PCCA: variants seen among roughly 807,000 people sequenced by gnomAD.
The protein encoded by PCCA is propionyl-CoA carboxylase subunit alpha.
Under a neutral mutation model 101.3 loss-of-function variants are expected in PCCA, and 74 were observed. That is an observed-to-expected ratio of 0.73 (90% CI 0.61 to 0.89). The LOEUF (loss-of-function observed/expected upper bound fraction) is 0.89, where lower values mean the gene tolerates loss of function less well. Among genes scored for constraint, PCCA ranks in the 40% least tolerant of loss-of-function variants. The pLI, the probability that PCCA is intolerant of heterozygous loss-of-function variation, is 0.00. For synonymous variants in PCCA, 294 were observed against 313.6 expected (o/e 0.94, Z 0.66); for missense variants, 891 against 907.0 (o/e 0.98, Z 0.23).
chr13:100,497,363 G>A (rs1334829486), intron 21 of PCCA, among the ~76,000 whole-genome samples: 1 of 152,144 alleles, frequency 6.6e-6, no homozygotes, highest in Non-Finnish European at 1.5e-5. Flanking sequence ...TGGCTTTGAA[G>A]TATGCATCTG....
intron 9 of PCCA, among the ~76,000 whole-genome samples, chr13:100,258,054 TG>T (rs1257083219): frequency 1.3e-5 from 2 of 152,246 alleles, no homozygotes; most frequent in Non-Finnish European, 2.9e-5. Context: ...ATAATTTCAT[TG>T]AGACTTAATG....
intron 19 of PCCA, among the ~76,000 whole-genome samples, chr13:100,415,555 C>A (rs1012329593): frequency 6.6e-6 from 1 of 152,176 alleles, no homozygotes. Context: ...ACCAACAAAT[C>A]GGTTTTTTAT....
intron 20 of PCCA, among the ~76,000 whole-genome samples, chr13:100,433,764 T>G (rs2079730838): frequency 6.6e-6 from 1 of 152,210 alleles, no homozygotes; most frequent in Admixed American, 6.5e-5. Flanking sequence ...TGCTTTATAT[T>G]GTAGGGGCAA....
At chr13:100,307,781 A>G (rs1228448043) in intron 15 of PCCA, among the ~76,000 whole-genome samples, 1 of 152,200 alleles carries the variant, frequency 6.6e-6, no homozygotes, top group African/African-American at 2.4e-5. Context: ...AATGAATTGA[A>G]TTTTTGGATC....
chr13:100,462,939 AAC>A (rs1182266596), intron 21 of PCCA, among the ~76,000 whole-genome samples: 8 of 152,174 alleles, frequency 5.3e-5, no homozygotes, highest in African/African-American at 1.7e-4. Flanking sequence ...AGAAATTGTG[AAC>A]AGTTTTTCAG....
intron 7 of PCCA, among the ~76,000 whole-genome samples, chr13:100,223,337 TG>T (rs2059935085): frequency 6.6e-6 from 1 of 152,148 alleles, no homozygotes; most frequent in African/African-American, 2.4e-5. Flanking sequence ...TTGTTCCTTC[TG>T]ATGTTGGGAT....
At chr13:100,116,305 A>G (rs546453615) in intron 4 of PCCA, among the ~76,000 whole-genome samples, 9 of 152,328 alleles carry the variant, frequency 5.9e-5, no homozygotes, top group African/African-American at 2.2e-4. Flanking sequence ...TTCCAGTAGG[A>G]AAATACTGCA....
chr13:100,138,468 G>A (rs2051447558), intron 4 of PCCA, among the ~76,000 whole-genome samples: 1 of 151,974 alleles, frequency 6.6e-6, no homozygotes, highest in Non-Finnish European at 1.5e-5. Flanking sequence ...TAAAATTTTT[G>A]CTTTCAACAG....
intron 7 of PCCA, among the ~76,000 whole-genome samples, chr13:100,213,038 TC>T: frequency 6.6e-6 from 1 of 152,256 alleles, no homozygotes; most frequent in African/African-American, 2.4e-5. Context: ...GTCCTCCAGT[TC>T]CATCTATGTT....
intron 8 of PCCA, among the ~76,000 whole-genome samples, chr13:100,244,631 C>T (rs2152536438): frequency 6.6e-6 from 1 of 152,040 alleles, no homozygotes; most frequent in Non-Finnish European, 1.5e-5. Flanking sequence ...TGTTTGGAAA[C>T]TTCCTGTGTG....
In PCCA at chr13:100,330,608, C is replaced by T. The variant is rs753955254; in HGVS notation, c.1477C>T (p.Arg493Cys). ...ACTTCGAGAGGTGATAATCAACTCACGCTTTGTAAAAGGAGACATCAGCAC... is the reference window on the plus strand; with the variant it reads ...ACTTCGAGAGGTGATAATCAACTCATGCTTTGTAAAAGGAGACATCAGCAC... ...ALLREVIINS[R>C]FVKGDISTKF... The change falls in exon 17 of 24, where the codon CGC becomes TGC. Residue 493 changes from arginine (R) to cysteine (C), a missense_variant. Arg to Cys is a radical substitution (Grantham distance 180). Transcript: ENST00000376285. 1.1e-5 allele frequency: 18 copies of T among 1,612,698 alleles called. No individual in the cohort carries two copies. The highest frequency in any genetic ancestry group is 3.3e-5 in the South Asian group (3 of 91,068).
intron 7 of PCCA, among the ~76,000 whole-genome samples, chr13:100,231,605 A>G (rs1310563880): frequency 6.6e-6 from 1 of 152,202 alleles, no homozygotes; most frequent in Non-Finnish European, 1.5e-5. Context: ...GGCTGATTTA[A>G]TTTTTAAACT....
intron 14 of PCCA, among the ~76,000 whole-genome samples, chr13:100,304,258 C>G (rs1212535422): frequency 6.6e-6 from 1 of 152,150 alleles, no homozygotes; most frequent in East Asian, 1.9e-4. Flanking sequence ...ATTAAAATGC[C>G]TTAAATGTTC....
intron 4 of PCCA, among the ~76,000 whole-genome samples, chr13:100,140,074 G>A (rs577577881): frequency 1.8e-4 from 28 of 152,132 alleles, no homozygotes; most frequent in Admixed American, 7.9e-4. Flanking sequence ...ACCTAGGGAT[G>A]AGCTCAGAAG....
At chr13:100,291,444 A>ACGTGTGTG (rs2065114045) in intron 12 of PCCA, among the ~76,000 whole-genome samples, 1 of 152,240 alleles carries the variant, frequency 6.6e-6, no homozygotes, top group Non-Finnish European at 1.5e-5. Flanking sequence ...GTGCACATGC[A>ACGTGTGTG]CATATGTGCA....
At chr13:100,447,637 G>A (rs895711597) in intron 20 of PCCA, among the ~76,000 whole-genome samples, 26 of 150,768 alleles carry the variant, frequency 1.7e-4, no homozygotes, top group African/African-American at 2.4e-4. Context: ...GTGCCATTGC[G>A]CTCCAGCCTG....
intron 18 of PCCA, among the ~76,000 whole-genome samples, chr13:100,355,337 A>G (rs943216893): frequency 6.6e-5 from 10 of 152,152 alleles, no homozygotes; most frequent in Admixed American, 3.9e-4. Context: ...TAATAAACCC[A>G]CACCTGAAAA....
chr13:100,166,752 G>A (rs2055082647), intron 6 of PCCA, among the ~76,000 whole-genome samples: 3 of 152,114 alleles, frequency 2.0e-5, no homozygotes, highest in Non-Finnish European at 4.4e-5. Flanking sequence ...AGTTATGTGG[G>A]CATATGCTTT....
intron 12 of PCCA, among the ~76,000 whole-genome samples, chr13:100,297,447 A>G (rs550395983): frequency 1.3e-5 from 2 of 152,330 alleles, no homozygotes; most frequent in South Asian, 4.1e-4. Flanking sequence ...AGTTTTCCCT[A>G]AGCTTATTCT....
Sources: allele counts gnomAD v4.1 joint callset (sites outside exome capture counted in the v4.1 genomes callset), GRCh38; gene constraint gnomAD v4.1.1; transcripts MANE v1.5; gene names NCBI Gene and HGNC (gene_info 2026-07-23, HGNC 2026-07-21).